The following CUX1 variants were observed in gnomAD, a reference collection of about 807,000 sequenced individuals.
CUX1 encodes the protein protein CASP.
A neutral mutation model predicts 158.8 loss-of-function variants in CUX1; 31 were observed. That is an observed-to-expected ratio of 0.20 (90% CI 0.15 to 0.26). CUX1 has a LOEUF of 0.26. Ranked by LOEUF, CUX1 falls within the 10% of genes least tolerant of loss-of-function variation. The pLI is 1.00. For missense variants in CUX1, 1,589 were observed against 2,014.6 expected (o/e 0.79, Z 4.04); for synonymous variants, 879 against 862.1 (o/e 1.02, Z -0.34).
intron 3 of CUX1, among the ~76,000 whole-genome samples, chr7:102,069,543 G>A (rs1194862300): frequency 1.3e-5 from 2 of 152,206 alleles, no homozygotes; most frequent in Non-Finnish European, 2.9e-5. Context: ...GAGGTCAGGA[G>A]TTTGAGACCA....
intron 8 of CUX1, among the ~76,000 whole-genome samples, chr7:102,144,807 G>A (rs1834853259): frequency 6.6e-6 from 1 of 151,728 alleles, no homozygotes; most frequent in Admixed American, 6.6e-5. Flanking sequence ...TTTAATTTAG[G>A]CTGGGCGCAA....
chr7:101,895,043 T>A (rs1294854309), intron 1 of CUX1, among the ~76,000 whole-genome samples: 1 of 151,838 alleles, frequency 6.6e-6, no homozygotes, highest in African/African-American at 2.4e-5. Flanking sequence ...ATTTTTGAGA[T>A]GGAGTCTTGC....
chr7:102,121,256 C>T (rs1173130112), intron 8 of CUX1, among the ~76,000 whole-genome samples: 1 of 152,084 alleles, frequency 6.6e-6, no homozygotes, highest in African/African-American at 2.4e-5. Flanking sequence ...CAACCTCCAC[C>T]TCCCGGGTTC....
intron 16 of CUX1, among the ~76,000 whole-genome samples, chr7:102,199,581 T>C (rs534483384): frequency 1.3e-5 from 2 of 152,348 alleles, no homozygotes; most frequent in African/African-American, 4.8e-5. Flanking sequence ...CAAACAATTT[T>C]TTAAGTTAAG....
At chr7:101,874,541 C>T (rs1033294412) in intron 1 of CUX1, among the ~76,000 whole-genome samples, 3 of 152,136 alleles carry the variant, frequency 2.0e-5, no homozygotes, top group Admixed American at 6.5e-5. Context: ...TTTTTAGGAT[C>T]GTGATGTCTT....
At chr7:101,879,614 G>C (rs890481665) in intron 1 of CUX1, among the ~76,000 whole-genome samples, 2 of 150,224 alleles carry the variant, frequency 1.3e-5, no homozygotes, top group African/African-American at 5.1e-5. Flanking sequence ...AGGCCAGCCA[G>C]CCAGTGTGGT....
At chr7:102,070,563 A>G in intron 4 of CUX1, 146 bp downstream of exon 4, 1 of 624,484 alleles carries the variant, frequency 1.6e-6, no homozygotes, top group Non-Finnish European at 2.8e-6. Context: ...GGAGTGCAGG[A>G]CACATGAATT....
chr7:101,969,493 A>G (rs1228233568), intron 2 of CUX1, among the ~76,000 whole-genome samples: 8 of 151,874 alleles, frequency 5.3e-5, no homozygotes, highest in Non-Finnish European at 1.2e-4. Context: ...TTTGAAATTC[A>G]CCTCCTTTGA....
chr7:102,219,948 C>G (rs1797642269), intron 20 of CUX1, among the ~76,000 whole-genome samples: 1 of 152,228 alleles, frequency 6.6e-6, no homozygotes, highest in Non-Finnish European at 1.5e-5. Flanking sequence ...AACTGAGGAG[C>G]CCAGCGTCGC....
At chr7:101,965,036 G>A (rs1810989073) in intron 2 of CUX1, among the ~76,000 whole-genome samples, 1 of 152,150 alleles carries the variant, frequency 6.6e-6, no homozygotes, top group African/African-American at 2.4e-5. Flanking sequence ...GACACCTTTT[G>A]TTCTATAACA....
At chr7:101,938,167 C>T (rs1401169505) in intron 2 of CUX1, among the ~76,000 whole-genome samples, 1 of 150,774 alleles carries the variant, frequency 6.6e-6, no homozygotes, top group Non-Finnish European at 1.5e-5. Context: ...GGCTGGAATG[C>T]AGTGACGTGA....
At chr7:101,880,827 T>A (rs952009825) in intron 1 of CUX1, among the ~76,000 whole-genome samples, 13 of 152,220 alleles carry the variant, frequency 8.5e-5, no homozygotes, top group African/African-American at 3.1e-4. Flanking sequence ...AGGAATTGGA[T>A]GGAAGCCAGC....
chr7:102,195,172 T>G (rs954588813), intron 13 of CUX1, among the ~76,000 whole-genome samples: 10 of 151,404 alleles, frequency 6.6e-5, no homozygotes, highest in African/African-American at 2.2e-4. Context: ...CAGACGTTTG[T>G]GGCTTGGCAG....
chr7:101,922,786 G>A (rs1805104878), intron 2 of CUX1, among the ~76,000 whole-genome samples: 1 of 152,206 alleles, frequency 6.6e-6, no homozygotes, highest in Non-Finnish European at 1.5e-5. Context: ...GATGGGTGAA[G>A]GAGCAAGGCC....
intron 1 of CUX1, among the ~76,000 whole-genome samples, chr7:101,914,499 C>CTTCT (rs927252903): frequency 1.0e-4 from 15 of 148,270 alleles, no homozygotes; most frequent in African/African-American, 3.2e-4. Flanking sequence ...TCCTTCCTTT[C>CTTCT]TTCTTTCTTT....
intron 2 of CUX1, among the ~76,000 whole-genome samples, chr7:101,942,181 G>A (rs535409689): frequency 6.6e-6 from 1 of 152,300 alleles, no homozygotes; most frequent in South Asian, 2.1e-4. Context: ...GCATGACTAA[G>A]AGAGAAAAAG....
chr7:102,080,772 C>T (rs1827294040), intron 4 of CUX1, among the ~76,000 whole-genome samples: 1 of 152,152 alleles, frequency 6.6e-6, no homozygotes, highest in South Asian at 2.1e-4. Context: ...CTCTCTGCAC[C>T]GAGGCTGTTG....
intron 1 of CUX1, among the ~76,000 whole-genome samples, chr7:101,882,016 C>CA (rs34166665): frequency 1.2e-4 from 6 of 48,538 alleles, no homozygotes; most frequent in Non-Finnish European, 1.6e-4. Context: ...TGTCTCTACC[C>CA]AAAAATAAAA....
intron 18 of CUX1, among the ~76,000 whole-genome samples, chr7:102,202,646 G>A (rs1795569139): frequency 6.6e-6 from 1 of 152,152 alleles, no homozygotes; most frequent in African/African-American, 2.4e-5. Context: ...CACACAGAGG[G>A]ACCACCAGTA....
Sources: allele counts gnomAD v4.1 joint callset (sites outside exome capture counted in the v4.1 genomes callset), GRCh38; gene constraint gnomAD v4.1.1; transcripts MANE v1.5; gene names NCBI Gene and HGNC (gene_info 2026-07-23, HGNC 2026-07-21).